DNAH14: variants seen among roughly 807,000 people sequenced by gnomAD.
DNAH14 encodes the protein dynein axonemal heavy chain 14, also known as axonemal beta dynein heavy chain 14.
DNAH14 carries 478 observed loss-of-function variants against 520.9 expected under a neutral mutation model. That is an observed-to-expected ratio of 0.92 (90% confidence interval 0.85 to 0.99). The LOEUF is 0.99. Among genes scored for constraint, DNAH14 ranks in the 50% least tolerant of loss-of-function variants. The probability of loss-of-function intolerance (pLI) is 0.00; values close to 1 mark genes in which losing one functional copy is unlikely to be tolerated. For synonymous variants in DNAH14, 1,581 were observed against 1,757.2 expected (o/e 0.90, Z 2.51); for missense variants, 4,831 against 5,234.5 (o/e 0.92, Z 2.38).
chr1:225,058,267 G>C (rs1364002093), intron 17 of DNAH14, among the ~76,000 whole-genome samples: 1 of 152,072 alleles, frequency 6.6e-6, no homozygotes, highest in East Asian at 1.9e-4. Flanking sequence ...GGGAGGGTGT[G>C]TGTGTCAAGG....
At position 225,079,279 on chromosome 1, in the gene DNAH14, T is replaced by G. The variant is rs530320560; in HGVS notation, c.2497T>G (p.Phe833Val). ...AGAAGAATTTCTGGAGCATTTTATT[T>G]TTTTGAATGCAATTTCCTCAAAAAT... ...EIEEFLEHFI[F>V]LNAISSKISK... Residue 833 changes from phenylalanine (F) to valine (V), a missense_variant, in exon 18 of 86, where the codon TTT becomes GTT. Coordinates refer to ENST00000682510, the MANE Select transcript of DNAH14 (RefSeq NM_001367479.1). The G allele has an allele frequency of 5.5e-5, 85 of 1,549,366 alleles. No homozygotes were observed. The African/African-American group carries it at 1.1e-3, about 20-fold the overall frequency.
intron 27 of DNAH14, among the ~76,000 whole-genome samples, chr1:225,125,569 T>C (rs563502607): frequency 9.2e-5 from 14 of 152,326 alleles, no homozygotes; most frequent in African/African-American, 3.1e-4. Flanking sequence ...TCTCTCAGTC[T>C]TCACAGAATT....
chr1:225,353,938 T>C (rs2095401193), intron 73 of DNAH14, 50 bp downstream of exon 73: 3 of 1,078,432 alleles, frequency 2.8e-6, no homozygotes, highest in Non-Finnish European at 4.1e-6. Context: ...TTTGAGTGCT[T>C]TATTAGTAAC....
intron 81 of DNAH14, among the ~76,000 whole-genome samples, chr1:225,383,600 T>A (rs538402265): frequency 3.3e-5 from 5 of 152,232 alleles, no homozygotes; most frequent in African/African-American, 1.2e-4. Flanking sequence ...ATGTCCGGCT[T>A]GGACAAATGG....
At chr1:225,318,795 T>A in intron 61 of DNAH14, 118 bp downstream of exon 61, 1 of 1,001,236 alleles carries the variant, frequency 1.0e-6, no homozygotes, top group Non-Finnish European at 1.4e-6. Context: ...CATTTCTTAA[T>A]CTTGGTTTAA....
chr1:225,046,293 G>A (rs1181758930), intron 15 of DNAH14, among the ~76,000 whole-genome samples: 1 of 151,794 alleles, frequency 6.6e-6, no homozygotes, highest in Non-Finnish European at 1.5e-5. Flanking sequence ...TGATCACTTA[G>A]CATTATATCA....
chr1:225,185,147 A>C, intron 36 of DNAH14, 144 bp from the exon 37 acceptor site: 1 of 862,186 alleles, frequency 1.2e-6, no homozygotes. Flanking sequence ...ATACACCAAT[A>C]ACATTCATGC....
In DNAH14 at chr1:225,295,880, T is replaced by C. The variant is rs548515458; in HGVS notation, c.8470-4989T>C. Among the ~76,000 whole-genome samples, 8 of 152,328 alleles carry C rather than the reference T, an allele frequency of 5.3e-5. No homozygotes were observed. In the East Asian group the frequency reaches 1.5e-3, roughly 29 times the overall value. On this transcript the variant is annotated intron_variant, in intron 55 of 85. Coordinates refer to ENST00000682510, the MANE Select transcript of DNAH14 (RefSeq NM_001367479.1). ...AACTATTATTGTATTGGGGTCCCTC[T>C]CTTCCTTTAGATATAATATTTGATT...
chr1:225,165,952 A>C (rs1196995342), intron 35 of DNAH14, among the ~76,000 whole-genome samples: 1 of 152,142 alleles, frequency 6.6e-6, no homozygotes, highest in Non-Finnish European at 1.5e-5. Flanking sequence ...TGAGATTTTC[A>C]GAAGTACAAT....
At chr1:225,117,175 A>C (rs2148856760) in intron 23 of DNAH14, among the ~76,000 whole-genome samples, 2 of 152,208 alleles carry the variant, frequency 1.3e-5, no homozygotes, top group Middle Eastern at 6.8e-3. Flanking sequence ...TAATGCCTCT[A>C]AGTTATAGAA....
At chr1:225,323,285 G>A (rs2094588874) in intron 62 of DNAH14, among the ~76,000 whole-genome samples, 2 of 152,164 alleles carry the variant, frequency 1.3e-5, no homozygotes, top group African/African-American at 2.4e-5. Flanking sequence ...AAGTGCACAA[G>A]GAGACTTCAG....
In DNAH14 at chr1:225,127,837, C is replaced by T. The variant is rs1037600983; in HGVS notation, c.4254+4223C>T. Among the ~76,000 whole-genome samples the T allele has an allele frequency of 1.2e-4, 18 of 152,230 alleles. No homozygotes were observed. The South Asian group carries it at 1.5e-3, about 12-fold the overall frequency. ...TTTACATTTTGGCATGATTTTGCAG[C>T]GGCTGGTAACAGTTGTTCCTTTCCA... On this transcript the variant is annotated intron_variant, in intron 27 of 85. Coordinates refer to ENST00000682510, the MANE Select transcript of DNAH14 (RefSeq NM_001367479.1).
chr1:225,090,131 C>A (rs1179039635), intron 21 of DNAH14, among the ~76,000 whole-genome samples: 2 of 151,994 alleles, frequency 1.3e-5, no homozygotes, highest in Non-Finnish European at 2.9e-5. Flanking sequence ...TATACAAAGT[C>A]AAATTCATTA....
intron 17 of DNAH14, among the ~76,000 whole-genome samples, chr1:225,072,481 T>G (rs1341752960): frequency 6.6e-6 from 1 of 152,234 alleles, no homozygotes; most frequent in African/African-American, 2.4e-5. Flanking sequence ...GGTTACAATG[T>G]ACTTCTTTAG....
At chr1:225,043,643 T>G in intron 13 of DNAH14, 101 bp from the exon 14 acceptor site, 1 of 853,154 alleles carries the variant, frequency 1.2e-6, no homozygotes, top group East Asian at 2.8e-5. Context: ...AGTTTATTCT[T>G]AGGATATGTG....
chr1:225,208,533 T>C (rs1661044297), intron 41 of DNAH14, among the ~76,000 whole-genome samples: 1 of 152,032 alleles, frequency 6.6e-6, no homozygotes, highest in Non-Finnish European at 1.5e-5. Flanking sequence ...AGTTGAAAGA[T>C]GAATAAAAAT....
chr1:225,364,915 A>T, intron 76 of DNAH14, 21 bp downstream of exon 76: 1 of 1,508,366 alleles, frequency 6.6e-7, no homozygotes, highest in Non-Finnish European at 8.9e-7. Flanking sequence ...AGTATAACAG[A>T]TTTAATGTTG....
chr1:225,192,156 C>T (rs1343909652), intron 37 of DNAH14, among the ~76,000 whole-genome samples: 2 of 152,032 alleles, frequency 1.3e-5, no homozygotes, highest in African/African-American at 4.8e-5. Context: ...CTCCCTGAGG[C>T]CTTATATGGT....
chr1:225,181,391 G>T (rs971772291), intron 36 of DNAH14, among the ~76,000 whole-genome samples: 1 of 152,130 alleles, frequency 6.6e-6, no homozygotes, highest in East Asian at 1.9e-4. Flanking sequence ...TTAGTTCTTT[G>T]AGACATCTCC....
Sources: gnomAD v4.1 joint callset for allele counts (sites outside exome capture counted in the v4.1 genomes callset) on GRCh38, gnomAD v4.1.1 for gene constraint, MANE v1.5 for transcripts, NCBI Gene and HGNC (gene_info 2026-07-23, HGNC 2026-07-21) for gene names.